WWOX: variants seen among roughly 807,000 people sequenced by gnomAD.
WWOX encodes the protein WW domain-containing oxidoreductase.
In WWOX, 69 loss-of-function variants were observed where a neutral mutation model predicts 46.2. That is an observed-to-expected ratio of 1.49 (90% confidence interval 1.23 to 1.82). WWOX has a LOEUF of 1.82. Among genes scored for constraint, WWOX ranks in the 40% most tolerant of loss-of-function variants. The pLI is 0.00. For missense variants in WWOX, 919 were observed against 542.6 expected, an observed-to-expected ratio of 1.69 and a Z score of -6.89; for synonymous variants, 359 against 202.6, an observed-to-expected ratio of 1.77 and a Z score of -6.56.
intron 8 of WWOX, among the ~76,000 whole-genome samples, chr16:78,819,040 G>C (rs181692645): frequency 2.0e-5 from 3 of 152,174 alleles, no homozygotes; most frequent in African/African-American, 7.2e-5. Context: ...AAATGGAAAC[G>C]ATAACGGCGA....
chr16:78,181,010 G>A (rs150475613), intron 5 of WWOX, among the ~76,000 whole-genome samples: 2 of 152,320 alleles, frequency 1.3e-5, no homozygotes, highest in East Asian at 3.9e-4. Context: ...TGAAAACCCA[G>A]CTTGGGTTGG....
chr16:78,191,199 C>G (rs895756073), intron 5 of WWOX, among the ~76,000 whole-genome samples: 1 of 152,150 alleles, frequency 6.6e-6, no homozygotes, highest in Non-Finnish European at 1.5e-5. Flanking sequence ...GCCACACACA[C>G]CTTTGTGAGA....
At chr16:78,622,126 C>T (rs149981841) in intron 8 of WWOX, among the ~76,000 whole-genome samples, 1 of 152,234 alleles carries the variant, frequency 6.6e-6, no homozygotes, top group African/African-American at 2.4e-5. Context: ...TTTAGTAAAA[C>T]CTTGAAAAGA....
Position 78,387,145 on chromosome 16 carries a change from A to G in WWOX, c.605+197A>G, listed in dbSNP as rs549446707. On this transcript the variant is annotated intron_variant, in intron 6 of 8. Transcript: ENST00000566780. Reference sequence around the variant, plus strand: ...ACCTTCATTATGAGATGTGTCATCAATCTAATAACAGCTTCCCACATACCA... The same window carrying G: ...ACCTTCATTATGAGATGTGTCATCAGTCTAATAACAGCTTCCCACATACCA... 3.9e-4 allele frequency among the ~76,000 whole-genome samples: 59 copies of G among 152,346 alleles called. No individual in the cohort carries two copies. In the South Asian group the frequency reaches 0.01, roughly 27 times the overall value.
At chr16:78,765,739 G>T (rs541157054) in intron 8 of WWOX, among the ~76,000 whole-genome samples, 2 of 152,314 alleles carry the variant, frequency 1.3e-5, no homozygotes, top group African/African-American at 4.8e-5. Flanking sequence ...TCTGGCAGTT[G>T]TGCCGAGGAG....
At chr16:78,246,952 C>G (rs1258874039) in intron 5 of WWOX, among the ~76,000 whole-genome samples, 2 of 152,032 alleles carry the variant, frequency 1.3e-5, no homozygotes, top group Non-Finnish European at 2.9e-5. Context: ...TCCAGTCAGA[C>G]CATAGCAGTA....
chr16:78,861,727 A>G (rs182618899), intron 8 of WWOX, among the ~76,000 whole-genome samples: 8 of 152,308 alleles, frequency 5.3e-5, no homozygotes, highest in Admixed American at 6.5e-5. Context: ...ATTCCAGGTA[A>G]AAACCTTTAA....
At chr16:78,785,718 T>G (rs1425695463) in intron 8 of WWOX, among the ~76,000 whole-genome samples, 1 of 152,218 alleles carries the variant, frequency 6.6e-6, no homozygotes. Flanking sequence ...TTGGTTGATA[T>G]TTTCATTTTT....
intron 5 of WWOX, among the ~76,000 whole-genome samples, chr16:78,181,803 T>C (rs2035539756): frequency 1.3e-5 from 2 of 152,204 alleles, no homozygotes; most frequent in African/African-American, 4.8e-5. Flanking sequence ...ATTTCACTGA[T>C]GCTGTATAAT....
intron 8 of WWOX, among the ~76,000 whole-genome samples, chr16:78,844,519 A>G (rs921639002): frequency 8.5e-5 from 13 of 152,138 alleles, no homozygotes; most frequent in African/African-American, 3.1e-4. Context: ...GAGCCCGAAC[A>G]TCAATCAGGG....
At chr16:79,206,606 C>T (rs2051520495) in intron 8 of WWOX, 1 of 152,204 alleles carries the variant, frequency 6.6e-6, no homozygotes, top group Non-Finnish European at 1.5e-5. Flanking sequence ...TCGTTGGCTA[C>T]AACTCACTGA....
chr16:78,912,054 G>A (rs992974183), intron 8 of WWOX, among the ~76,000 whole-genome samples: 5 of 152,020 alleles, frequency 3.3e-5, no homozygotes, highest in African/African-American at 4.8e-5. Context: ...CCTAGGTTCT[G>A]AGTCCAATTA....
intron 5 of WWOX, among the ~76,000 whole-genome samples, chr16:78,328,990 T>G (rs971919718): frequency 1.3e-5 from 2 of 151,972 alleles, no homozygotes; most frequent in East Asian, 3.9e-4. Context: ...GCCTCCCGAG[T>G]ACCTGGGACT....
intron 8 of WWOX, chr16:79,206,252 G>C (rs2051505811): frequency 6.6e-6 from 1 of 152,272 alleles, no homozygotes; most frequent in Non-Finnish European, 1.5e-5. Flanking sequence ...CGGCAGAGCA[G>C]GCAGAGAGGC....
chr16:78,377,237 G>C (rs1022638169), intron 5 of WWOX, among the ~76,000 whole-genome samples: 33 of 152,206 alleles, frequency 2.2e-4, no homozygotes, highest in African/African-American at 8.0e-4. Context: ...GATGTATGCA[G>C]TACTTGCATA....
chr16:78,675,464 T>G (rs981036393), intron 8 of WWOX, among the ~76,000 whole-genome samples: 20 of 152,218 alleles, frequency 1.3e-4, no homozygotes, highest in African/African-American at 4.1e-4. Context: ...AATACTTTTA[T>G]GGGCCTTGCC....
intron 8 of WWOX, among the ~76,000 whole-genome samples, chr16:78,489,563 A>T (rs2084727456): frequency 6.6e-6 from 1 of 152,102 alleles, no homozygotes; most frequent in Admixed American, 6.6e-5. Context: ...CACAAATGTT[A>T]CATGTTTGAG....
rs140250549 is a variant in WWOX, at chr16:78,310,879, G to A, written c.517-75981G>A. Among the ~76,000 whole-genome samples the A allele has an allele frequency of 2.1e-3, 320 of 152,302 alleles. 4 individuals are homozygous for A. Among genetic ancestry groups the A allele is most frequent in the African/African-American group, 7.0e-3 (291 of 41,564 alleles). On this transcript the variant is annotated intron_variant, in intron 5 of 8. Coordinates refer to ENST00000566780, the MANE Select transcript of WWOX (RefSeq NM_016373.4). ...GTAACGCAGCCCCAGACCCACCTTCGAGGGTAGGGGCACCCTTGTTGTCAC... is the reference window on the plus strand; with the variant it reads ...GTAACGCAGCCCCAGACCCACCTTCAAGGGTAGGGGCACCCTTGTTGTCAC...
At chr16:78,100,000 G>A in intron 1 of WWOX, 115 bp downstream of exon 1, 4 of 1,506,390 alleles carry the variant, frequency 2.7e-6, no homozygotes, top group South Asian at 1.3e-5. Flanking sequence ...CAAAGTGAAA[G>A]TAACTGTTAA....
Sources: allele counts gnomAD v4.1 joint callset (sites outside exome capture counted in the v4.1 genomes callset), GRCh38; gene constraint gnomAD v4.1.1; transcripts MANE v1.5; gene names NCBI Gene and HGNC (gene_info 2026-07-23, HGNC 2026-07-21).